The following NFE2L2 variants were observed in gnomAD, a reference collection of about 807,000 sequenced individuals.
NFE2L2 encodes nuclear factor erythroid 2-related factor 2.
NFE2L2 carries 20 observed loss-of-function variants against 49.6 expected under a neutral mutation model. That is an observed-to-expected ratio of 0.40 (90% confidence interval 0.28 to 0.59). The LOEUF (loss-of-function observed/expected upper bound fraction) is 0.59, where lower values mean the gene tolerates loss of function less well. Ranked by LOEUF, NFE2L2 falls within the 20% of genes least tolerant of loss-of-function variation. The pLI is 0.40. For missense variants in NFE2L2, 578 were observed against 714.2 expected (o/e 0.81, Z 2.17); for synonymous variants, 244 against 256.5 (o/e 0.95, Z 0.47).
chr2:177,254,585 A>G (rs115740359), intron 1 of NFE2L2, among the ~76,000 whole-genome samples: 1 of 152,066 alleles, frequency 6.6e-6, no homozygotes, highest in African/African-American at 2.4e-5. Flanking sequence ...GTGGAACAGG[A>G]CTCTGCTCCA....
intron 1 of NFE2L2, among the ~76,000 whole-genome samples, chr2:177,245,240 C>T (rs568109385): frequency 2.0e-5 from 3 of 152,060 alleles, no homozygotes; most frequent in South Asian, 2.1e-4. Flanking sequence ...CACACTGTCA[C>T]GGAACGCTAC....
chr2:177,250,301 A>G (rs375970984), intron 1 of NFE2L2, among the ~76,000 whole-genome samples: 23 of 152,274 alleles, frequency 1.5e-4, no homozygotes, highest in African/African-American at 5.1e-4. Flanking sequence ...ATATAAATTA[A>G]CCCGGAGTTC....
chr2:177,234,301 GAGC>G (rs760172797), intron 1 of NFE2L2, 30 bp from the exon 2 acceptor site: 45 of 1,569,210 alleles, frequency 2.9e-5, no homozygotes, highest in Non-Finnish European at 3.9e-5. Context: ...AGGAAGGAGA[GAGC>G]TCATGTTTTT....
chr2:177,233,641 A>G, intron 2 of NFE2L2: 1 of 499,632 alleles, frequency 2.0e-6, no homozygotes, highest in Middle Eastern at 5.2e-4. Flanking sequence ...TAAATCAGTC[A>G]GTATATGTTC....
At chr2:177,258,464 A>T (rs1415142928) in intron 1 of NFE2L2, among the ~76,000 whole-genome samples, 4 of 152,248 alleles carry the variant, frequency 2.6e-5, no homozygotes, top group African/African-American at 9.6e-5. Context: ...ATGGGAAGTG[A>T]CTGCTAATGG....
intron 1 of NFE2L2, among the ~76,000 whole-genome samples, chr2:177,237,718 C>T (rs1410946541): frequency 1.3e-5 from 2 of 152,160 alleles, no homozygotes; most frequent in Non-Finnish European, 1.5e-5. Context: ...AGGATTTCGC[C>T]ATGTTGGCCA....
intron 1 of NFE2L2, among the ~76,000 whole-genome samples, chr2:177,264,204 G>C (rs1328307919): frequency 6.6e-6 from 1 of 152,096 alleles, no homozygotes; most frequent in Non-Finnish European, 1.5e-5. Context: ...TCAAACTTAG[G>C]GGCTCCGGAG....
intron 1 of NFE2L2, among the ~76,000 whole-genome samples, chr2:177,259,567 G>A (rs376650979): frequency 1.3e-5 from 2 of 152,160 alleles, no homozygotes; most frequent in East Asian, 3.9e-4. Context: ...CACACAGAAG[G>A]CTCAAACTTT....
rs185736510 is a variant in NFE2L2 at position 177,257,175 on chromosome 2, G to A, written c.45+7357C>T. 1.8e-4 allele frequency among the ~76,000 whole-genome samples: 28 copies of A among 152,374 alleles called. 1 individual carries two copies. The East Asian group carries it at 5.4e-3, about 29-fold the overall frequency. On this transcript the variant is annotated intron_variant, in intron 1 of 4. Coordinates refer to ENST00000397062, the MANE Select transcript of NFE2L2 (RefSeq NM_006164.5). The stretch of plus-strand genomic sequence containing the variant: ...AAGTCTTTTGTTTTTAACGGAGGAA[G>A]ATAATGAGGCCCAGGAACACAGCTT...
intron 1 of NFE2L2, among the ~76,000 whole-genome samples, chr2:177,261,183 A>AAC (rs1690724781): frequency 6.9e-6 from 1 of 144,530 alleles, no homozygotes; most frequent in African/African-American, 2.6e-5. Flanking sequence ...AAAAAAAAAA[A>AAC]AACAAAAAAC....
At chr2:177,258,730 CTAAG>C (rs1226601715) in intron 1 of NFE2L2, among the ~76,000 whole-genome samples, 1 of 152,006 alleles carries the variant, frequency 6.6e-6, no homozygotes, top group Non-Finnish European at 1.5e-5. Flanking sequence ...AGAGGATCAC[CTAAG>C]TAATACAGAA....
chr2:177,257,450 T>C (rs1465583431), intron 1 of NFE2L2, among the ~76,000 whole-genome samples: 3 of 152,236 alleles, frequency 2.0e-5, no homozygotes, highest in African/African-American at 7.2e-5. Context: ...ATATATTTAG[T>C]GAGTTTCAAA....
chr2:177,256,657 A>G (rs1690537205), intron 1 of NFE2L2, among the ~76,000 whole-genome samples: 1 of 152,238 alleles, frequency 6.6e-6, no homozygotes, highest in South Asian at 2.1e-4. Context: ...GTAAAATAAC[A>G]GGATACCATT....
At chr2:177,244,096 T>C (rs565213193) in intron 1 of NFE2L2, among the ~76,000 whole-genome samples, 1 of 151,178 alleles carries the variant, frequency 6.6e-6, no homozygotes, top group African/African-American at 2.4e-5. Flanking sequence ...ATCAGGAGAT[T>C]GAGACCATCC....
intron 1 of NFE2L2, among the ~76,000 whole-genome samples, chr2:177,243,977 A>G (rs2105472355): frequency 6.6e-6 from 1 of 151,602 alleles, no homozygotes; most frequent in Admixed American, 6.6e-5. Context: ...ATATTATTAT[A>G]TGTATAAAAC....
At chr2:177,245,418 A>C (rs1690089938) in intron 1 of NFE2L2, among the ~76,000 whole-genome samples, 1 of 152,196 alleles carries the variant, frequency 6.6e-6, no homozygotes, top group Non-Finnish European at 1.5e-5. Context: ...TATTTGGCAG[A>C]GGGAAAAGAT....
chr2:177,264,693 G>T lies in NFE2L2; in HGVS notation c.-117C>A. 1.0e-6 allele frequency: 1 copy of T among 967,030 alleles called. No homozygotes were observed. The highest frequency in any genetic ancestry group is 1.4e-6 in the Non-Finnish European group (1 of 726,684). The allele number at this position is 967,030 out of a possible 1,614,324, so 59.9% of individuals were successfully genotyped here. Reference sequence around the variant, plus strand: ...CGGCGGCGGCGGTGGCGGCTGCGTCGGCGGCTCCTCCGGGCTCCCCGGCAC... The same window carrying T: ...CGGCGGCGGCGGTGGCGGCTGCGTCTGCGGCTCCTCCGGGCTCCCCGGCAC... On this transcript the variant is annotated 5_prime_UTR_variant, in exon 1 of 5. Transcript: ENST00000397062.
intron 1 of NFE2L2, among the ~76,000 whole-genome samples, chr2:177,256,499 C>CAAAAAAAAAA (rs35073132): frequency 1.3e-5 from 1 of 75,084 alleles, no homozygotes; most frequent in African/African-American, 4.7e-5. Flanking sequence ...TACATTCTTG[C>CAAAAAAAAAA]AAAAAAAAAA....
At chr2:177,247,030 C>G (rs1017999991) in intron 1 of NFE2L2, among the ~76,000 whole-genome samples, 1 of 152,150 alleles carries the variant, frequency 6.6e-6, no homozygotes, top group Non-Finnish European at 1.5e-5. Context: ...ACAAATATTG[C>G]TATAATGAAT....
Sources: allele counts gnomAD v4.1 joint callset (sites outside exome capture counted in the v4.1 genomes callset), GRCh38; gene constraint gnomAD v4.1.1; transcripts MANE v1.5; gene names NCBI Gene and HGNC (gene_info 2026-07-23, HGNC 2026-07-21).